SCHIP1: variants seen among roughly 807,000 people sequenced by gnomAD.
The protein encoded by SCHIP1 is schwannomin interacting protein 1, also known as schwannomin-interacting protein 1.
SCHIP1 carries 8 observed loss-of-function variants against 29.7 expected under a neutral mutation model. That is an observed-to-expected ratio of 0.27 (90% CI 0.16 to 0.49). The LOEUF (loss-of-function observed/expected upper bound fraction) is 0.49. Among genes scored for constraint, SCHIP1 ranks in the 20% least tolerant of loss-of-function variants. The pLI is 0.99. For missense variants in SCHIP1, 193 were observed against 294.6 expected, an observed-to-expected ratio of 0.66 and a Z score of 2.52; for synonymous variants, 76 against 94.9, an observed-to-expected ratio of 0.80 and a Z score of 1.16.
intron 6 of SCHIP1, chr3:159,894,770 C>T (rs773564028): frequency 8.6e-5 from 13 of 151,304 alleles, no homozygotes; most frequent in Non-Finnish European, 1.8e-4. Flanking sequence ...CTAATAGGGA[C>T]TCTTATATAA....
intron 6 of SCHIP1, chr3:159,894,560 G>A (rs1351886308): frequency 6.6e-6 from 1 of 152,178 alleles, no homozygotes; most frequent in Admixed American, 6.5e-5. Context: ...GAGCCTAGTG[G>A]CACTGTGTTT....
At chr3:159,891,681 G>A (rs192508036) in intron 5 of SCHIP1, among the ~76,000 whole-genome samples, 40 of 152,232 alleles carry the variant, frequency 2.6e-4, no homozygotes, top group African/African-American at 7.9e-4. Context: ...CTTTTCAGCT[G>A]GGCATCTAAT....
intron 1 of SCHIP1, among the ~76,000 whole-genome samples, chr3:159,843,022 T>TTTTTTTTTTTTTTTTTTTTTTTTTTG: frequency 1.1e-5 from 1 of 94,682 alleles, no homozygotes; most frequent in African/African-American, 4.3e-5. Context: ...TTTTTTTTTT[T>TTTTTTTTTTTTTTTTTTTTTTTTTTG]TTTTTTTGAG....
At chr3:159,552,604 G>A in the SCHIP1 span, among the ~76,000 whole-genome samples, 10 of 152,066 alleles carry the variant, frequency 6.6e-5, no homozygotes, top group East Asian at 1.9e-4. Context: ...TATAGCCACC[G>A]TGTCCCTGAA....
the SCHIP1 span, among the ~76,000 whole-genome samples, chr3:159,299,905 A>G: frequency 1.3e-5 from 2 of 152,146 alleles, 1 homozygote; most frequent in African/African-American, 4.8e-5. Context: ...CCCATGGGGG[A>G]CAGTAGGAGA....
the SCHIP1 span, among the ~76,000 whole-genome samples, chr3:159,362,987 T>A: frequency 2.0e-5 from 3 of 152,292 alleles, no homozygotes; most frequent in South Asian, 6.2e-4. Context: ...GAAGGGTGGT[T>A]CAAAGAGCCT....
At chr3:159,674,623 A>G in the SCHIP1 span, among the ~76,000 whole-genome samples, 1 of 147,798 alleles carries the variant, frequency 6.8e-6, no homozygotes, top group South Asian at 2.1e-4. Context: ...AAAAAAAAAA[A>G]GCTGGGAAAA....
the SCHIP1 span, among the ~76,000 whole-genome samples, chr3:159,593,082 A>C: frequency 2.0e-5 from 3 of 152,202 alleles, no homozygotes; most frequent in Non-Finnish European, 4.4e-5. Context: ...CATCTGCAGG[A>C]TGAGAGTAGA....
At chr3:159,623,232 T>C in the SCHIP1 span, among the ~76,000 whole-genome samples, 1 of 152,130 alleles carries the variant, frequency 6.6e-6, no homozygotes, top group Non-Finnish European at 1.5e-5. Flanking sequence ...AAAATAAATG[T>C]ATATAGACAA....
the SCHIP1 span, among the ~76,000 whole-genome samples, chr3:159,632,115 C>G: frequency 6.6e-6 from 1 of 152,222 alleles, no homozygotes; most frequent in Admixed American, 6.5e-5. Flanking sequence ...CTAGATTGTA[C>G]TAGGGCTGGC....
At chr3:159,303,430 T>C in the SCHIP1 span, among the ~76,000 whole-genome samples, 1 of 105,506 alleles carries the variant, frequency 9.5e-6, no homozygotes, top group East Asian at 2.3e-4. Context: ...CTGGTACAAA[T>C]GAATGTAAAG....
the SCHIP1 span, among the ~76,000 whole-genome samples, chr3:159,404,736 G>A: frequency 6.6e-6 from 1 of 152,226 alleles, no homozygotes; most frequent in African/African-American, 2.4e-5. Context: ...AAAGATGCAA[G>A]CCTGGCTGGC....
chr3:159,610,570 G>A, the SCHIP1 span, among the ~76,000 whole-genome samples: 1 of 152,106 alleles, frequency 6.6e-6, no homozygotes, highest in African/African-American at 2.4e-5. Context: ...GTTTTCATTA[G>A]GGTATCTCTC....
At chr3:159,426,287 C>T in the SCHIP1 span, among the ~76,000 whole-genome samples, 13 of 151,864 alleles carry the variant, frequency 8.6e-5, no homozygotes, top group Non-Finnish European at 1.3e-4. Context: ...AGACCAGTAG[C>T]AAGACTAATA....
At chr3:159,418,422 A>T in the SCHIP1 span, among the ~76,000 whole-genome samples, 1 of 152,240 alleles carries the variant, frequency 6.6e-6, no homozygotes, top group Non-Finnish European at 1.5e-5. Flanking sequence ...AACTATTGTC[A>T]TAAAAACTTG....
the SCHIP1 span, chr3:159,721,812 G>A: frequency 2.4e-6 from 1 of 419,372 alleles, no homozygotes; most frequent in Admixed American, 2.9e-5. Flanking sequence ...ATCCTCCATG[G>A]AAATGATATT....
At chr3:159,753,737 A>G in the SCHIP1 span, among the ~76,000 whole-genome samples, 900 of 152,300 alleles carry the variant, frequency 5.9e-3, 3 homozygotes, top group South Asian at 0.028. Context: ...GGCTGTTAGG[A>G]TAAAGATCTT....
the SCHIP1 span, among the ~76,000 whole-genome samples, chr3:159,449,487 T>A: frequency 9.2e-5 from 14 of 152,104 alleles, no homozygotes; most frequent in Admixed American, 3.9e-4. Flanking sequence ...ACATTAACAA[T>A]AATGAAGAAA....
chr3:159,410,832 A>G, the SCHIP1 span, among the ~76,000 whole-genome samples: 1 of 152,098 alleles, frequency 6.6e-6, no homozygotes, highest in Non-Finnish European at 1.5e-5. Context: ...TCCCATGTTA[A>G]TTGCAATACT....
Sources: allele counts gnomAD v4.1 joint callset (sites outside exome capture counted in the v4.1 genomes callset), GRCh38; gene constraint gnomAD v4.1.1; transcripts MANE v1.5; gene names NCBI Gene and HGNC (gene_info 2026-07-23, HGNC 2026-07-21).